RELN: variants seen among roughly 807,000 people sequenced by gnomAD.
The protein encoded by RELN is reelin.
A neutral mutation model predicts 427.6 loss-of-function variants in RELN; 108 were observed. The observed-to-expected ratio is 0.25, with a 90% confidence interval of 0.22 to 0.30. The LOEUF is 0.30. Among genes scored for constraint, RELN ranks in the 10% least tolerant of loss-of-function variants. RELN has a pLI of 1.00. For missense variants in RELN, 3,715 were observed against 4,302.8 expected (o/e 0.86, Z 3.82); for synonymous variants, 1,524 against 1,513.4 (o/e 1.01, Z -0.16).
intron 38 of RELN, among the ~76,000 whole-genome samples, chr7:103,555,868 C>T (rs2117164846): frequency 6.6e-6 from 1 of 152,260 alleles, no homozygotes; most frequent in African/African-American, 2.4e-5. Context: ...TTAGTTTTAA[C>T]ATATTGTTAA....
At chr7:103,499,660 T>A (rs1309546213) in intron 53 of RELN, among the ~76,000 whole-genome samples, 1 of 152,226 alleles carries the variant, frequency 6.6e-6, no homozygotes. Flanking sequence ...TGCCTTAGTC[T>A]CACTAATGGA....
chr7:103,862,412 TA>T (rs1238300950), intron 2 of RELN, among the ~76,000 whole-genome samples: 3 of 41,366 alleles, frequency 7.3e-5, no homozygotes, highest in East Asian at 6.7e-4. Context: ...GCTTTTGTTC[TA>T]TCTATCTATC....
intron 2 of RELN, among the ~76,000 whole-genome samples, chr7:103,848,776 G>T (rs1395256073): frequency 6.6e-6 from 1 of 152,128 alleles, no homozygotes; most frequent in Non-Finnish European, 1.5e-5. Flanking sequence ...ATTACAGAGG[G>T]CAAGTTCAAA....
chr7:103,752,089 C>T (rs902890099), intron 5 of RELN, among the ~76,000 whole-genome samples: 2 of 152,180 alleles, frequency 1.3e-5, no homozygotes, highest in Non-Finnish European at 2.9e-5. Flanking sequence ...TATTGATTTA[C>T]TTCCAAACAC....
chr7:103,782,041 G>A (rs746220222), intron 3 of RELN, among the ~76,000 whole-genome samples: 2 of 151,964 alleles, frequency 1.3e-5, no homozygotes, highest in Non-Finnish European at 2.9e-5. Context: ...TCCTTCTTGG[G>A]AGATGCACAG....
intron 24 of RELN, among the ~76,000 whole-genome samples, chr7:103,601,561 C>G (rs1224761788): frequency 6.6e-6 from 1 of 152,196 alleles, no homozygotes; most frequent in African/African-American, 2.4e-5. Flanking sequence ...GGGACACCTC[C>G]AATTGCCTCA....
chr7:103,572,391 G>C (rs769328716), intron 30 of RELN, 131 bp from the exon 31 acceptor site: 1 of 653,320 alleles, frequency 1.5e-6, no homozygotes, highest in African/African-American at 1.8e-5. Context: ...AAGGGCATAT[G>C]AGAAGCAGAA....
chr7:103,957,067 C>T (rs1205427374), intron 1 of RELN, among the ~76,000 whole-genome samples: 1 of 152,100 alleles, frequency 6.6e-6, no homozygotes, highest in Non-Finnish European at 1.5e-5. Context: ...GGAGAAATGG[C>T]TCATGCTGCA....
chr7:103,535,314 A>G lies in RELN; in HGVS notation c.7349+2T>C, dbSNP rs982831716. 16 of 1,613,670 alleles carry G rather than the reference A, an allele frequency of 9.9e-6. No homozygotes were observed. The highest frequency in any genetic ancestry group is 1.3e-5 in the African/African-American group (1 of 74,886). ...GTGGTGAACATGTAGAAGCATTCTT[A>G]CCTGGTATAAGGAGGGAGAGGCAGA... On this transcript the variant is annotated splice_donor_variant, in intron 46 of 64. Transcript: ENST00000428762. LOFTEE classifies it high-confidence loss of function.
At chr7:103,715,334 T>G (rs1344209189) in intron 8 of RELN, among the ~76,000 whole-genome samples, 1 of 149,318 alleles carries the variant, frequency 6.7e-6, no homozygotes, top group East Asian at 1.9e-4. Flanking sequence ...TTGAAATACT[T>G]TTTTTCATAA....
chr7:103,681,222 G>A lies in RELN; in HGVS notation c.1289+894C>T, dbSNP rs899960159. Among the ~76,000 whole-genome samples the A allele has an allele frequency of 8.5e-5, 13 of 152,174 alleles. 1 individual carries two copies. Among genetic ancestry groups the A allele is most frequent in the African/African-American group, 1.4e-4 (6 of 41,526 alleles). Reference sequence around the variant, plus strand: ...TTGGGCAAGGCACAGGACAGGGAGCGCAAAAGAGCAATACTAGCCATCTTG... The same window carrying A: ...TTGGGCAAGGCACAGGACAGGGAGCACAAAAGAGCAATACTAGCCATCTTG... On this transcript the variant is annotated intron_variant, in intron 11 of 64. Transcript: ENST00000428762.
At chr7:103,555,997 A>G (rs1012845642) in intron 38 of RELN, among the ~76,000 whole-genome samples, 1 of 152,230 alleles carries the variant, frequency 6.6e-6, no homozygotes, top group Non-Finnish European at 1.5e-5. Flanking sequence ...GATTATATGC[A>G]TGACTTGGTA....
intron 3 of RELN, among the ~76,000 whole-genome samples, chr7:103,802,038 T>C (rs1792480972): frequency 1.3e-5 from 2 of 152,174 alleles, no homozygotes; most frequent in African/African-American, 4.8e-5. Flanking sequence ...TAAGTGTCAG[T>C]ATATATTTCT....
chr7:103,780,736 C>A (rs571764307), intron 3 of RELN, among the ~76,000 whole-genome samples: 2 of 152,246 alleles, frequency 1.3e-5, no homozygotes, highest in East Asian at 1.9e-4. Flanking sequence ...TGATCTCATT[C>A]TTTTTTTATG....
intron 2 of RELN, among the ~76,000 whole-genome samples, chr7:103,885,067 T>C (rs1314335241): frequency 3.3e-5 from 5 of 151,976 alleles, no homozygotes; most frequent in Non-Finnish European, 7.4e-5. Context: ...TAGGCAGGCA[T>C]AGTGGCTCAC....
In RELN at chr7:103,497,871, G is replaced by T; in HGVS notation, c.8899C>A (p.Arg2967Ser). ...GSENNMTSCH[R>S]PICRKEGVLL... The stretch of plus-strand genomic sequence containing the variant: ...ACGCCTTCCTTCCGGCAGATGGGAC[G>T]ATGGCAAGAGGTCATGTTGTTCTCA... The change falls in exon 55 of 65, where the codon CGT (arginine) becomes AGT (serine). Residue 2967 changes from arginine (R) to serine (S), a missense_variant. By Grantham distance (110) the Arg-to-Ser change is moderately radical (BLOSUM62 -1). Coordinates refer to ENST00000428762, the MANE Select transcript of RELN (RefSeq NM_005045.4). 6.2e-7 allele frequency: 1 copy of T among 1,614,144 alleles called. No homozygotes were observed. The highest frequency in any genetic ancestry group is 1.1e-5 in the South Asian group (1 of 91,088).
chr7:103,567,805 A>T (rs1049440574), intron 31 of RELN, among the ~76,000 whole-genome samples: 8 of 149,884 alleles, frequency 5.3e-5, no homozygotes, highest in Non-Finnish European at 7.4e-5. Flanking sequence ...ATATATATAT[A>T]TTTTAATTGA....
chr7:103,773,260 CCT>C (rs1421923864), intron 4 of RELN, among the ~76,000 whole-genome samples: 2 of 107,470 alleles, frequency 1.9e-5, no homozygotes, highest in Non-Finnish European at 3.8e-5. Context: ...TCCCTCCCTC[CCT>C]CTCTCCCTGT....
chr7:103,722,609 T>C lies in RELN; in HGVS notation c.805+531A>G, dbSNP rs1247548832. Among the ~76,000 whole-genome samples, 5 of 152,170 alleles carry C rather than the reference T, an allele frequency of 3.3e-5. No individual in the cohort carries two copies. In the East Asian group the frequency reaches 9.6e-4, roughly 29 times the overall value. On this transcript the variant is annotated intron_variant, in intron 8 of 64. Coordinates refer to ENST00000428762, the MANE Select transcript of RELN (RefSeq NM_005045.4). ...AGGCACCTTATTTTACTGAATGCTT[T>C]GGGTAGGAACTTTTAGCTCTAAAAC...
Sources: gnomAD v4.1 joint callset for allele counts (sites outside exome capture counted in the v4.1 genomes callset) on GRCh38, gnomAD v4.1.1 for gene constraint, MANE v1.5 for transcripts, NCBI Gene and HGNC (gene_info 2026-07-23, HGNC 2026-07-21) for gene names.